ZNF667: variants seen among roughly 807,000 people sequenced by gnomAD.
ZNF667 encodes myocardial ischemic preconditioning upregulated 1 ortholog.
In ZNF667, 13 loss-of-function variants were observed where a neutral mutation model predicts 31.8. The ratio of observed to expected loss-of-function variants is 0.41; its 90% CI spans 0.27 to 0.65. The LOEUF (loss-of-function observed/expected upper bound fraction) is 0.65. Ranked by LOEUF, ZNF667 falls within the 30% of genes least tolerant of loss-of-function variation. The pLI is 0.32. For synonymous variants in ZNF667, 228 were observed against 247.1 expected, an observed-to-expected ratio of 0.92 and a Z score of 0.73; for missense variants, 642 against 725.6, an observed-to-expected ratio of 0.88 and a Z score of 1.32.
At position 56,458,160 on chromosome 19, in the gene ZNF667, G is replaced by C; in HGVS notation, c.248C>G (p.Ala83Gly). The change falls in exon 6 of 7, where the codon GCT becomes GGT. Residue 83 changes from alanine (A) to glycine (G), a missense_variant. By Grantham distance (60) the Ala-to-Gly change is moderately conservative. Transcript: ENST00000504904. ...WMVEPVRRRR[A>G]PDSGSKCETK... ...CTTGGTTCTCTGTCACTCACCAGGAGCCCGGCGTCTTCTTACTGGCTCTAC... is the reference window on the plus strand; with the variant it reads ...CTTGGTTCTCTGTCACTCACCAGGACCCCGGCGTCTTCTTACTGGCTCTAC... 1 of 1,614,120 alleles carries C rather than the reference G, an allele frequency of 6.2e-7. No individual in the cohort carries two copies. The highest frequency in any genetic ancestry group is 8.5e-7 in the Non-Finnish European group (1 of 1,179,950).
Position 56,442,440 on chromosome 19 carries a change from T to A in ZNF667, c.555A>T (p.Ser185=), listed in dbSNP as rs1428430118. 2 of 1,614,036 alleles carry A rather than the reference T, an allele frequency of 1.2e-6. No homozygotes were observed. The highest frequency in any genetic ancestry group is 8.5e-7 in the Non-Finnish European group (1 of 1,179,900). ...GAATTCTCTGATGAAGTAGGATGGA[T>A]GAGATCTGTCTGAAAGCTTTTCTAC... ...SNCRKAFRQI[S]SILLHQRIHS... is the part of the protein sequence containing the mutation. The change falls in exon 7 of 7, where the codon TCA becomes TCT. Residue 185 remains serine, a synonymous_variant. Coordinates refer to ENST00000504904, the MANE Select transcript of ZNF667 (RefSeq NM_001321356.2).
At chr19:56,460,392 G>C (rs531242794) in intron 5 of ZNF667, among the ~76,000 whole-genome samples, 1 of 152,290 alleles carries the variant, frequency 6.6e-6, no homozygotes, top group East Asian at 1.9e-4. Flanking sequence ...TGCTGAACCT[G>C]GGGGGATGAG....
upstream of ZNF667, chr19:56,477,459 C>G (rs996479722): frequency 2.6e-4 from 40 of 152,426 alleles, 1 homozygote; most frequent in African/African-American, 8.7e-4. Context: ...ACCCGCCTCT[C>G]GGGGACAGTA....
Position 56,439,807 on chromosome 19 carries a change from A to G in ZNF667, c.*1355T>C, listed in dbSNP as rs2147640233. ...GTAGCTGGGACTACAGGCACATGCC[A>G]CTGTGCCTGGCTAATTTTTTGTATT... On this transcript the variant is annotated 3_prime_UTR_variant, in exon 7 of 7. Transcript: ENST00000504904. 1 of 152,502 alleles carries G rather than the reference A, an allele frequency of 6.6e-6. No homozygotes were observed. Among genetic ancestry groups the G allele is most frequent in the Non-Finnish European group, 1.5e-5 (1 of 68,224 alleles). The allele number at this position is 152,502 out of a possible 1,614,324, so 9.4% of individuals were successfully genotyped here.
intron 6 of ZNF667, among the ~76,000 whole-genome samples, chr19:56,452,231 G>GT (rs2042845964): frequency 6.6e-6 from 1 of 152,038 alleles, no homozygotes; most frequent in South Asian, 2.1e-4. Flanking sequence ...TGTATTTTTA[G>GT]TAGAGACAGG....
At position 56,441,911 on chromosome 19, in the gene ZNF667, T is replaced by G; in HGVS notation, c.1084A>C (p.Lys362Gln). ...AGCCGCCTGAAGAACTTGTCACATT[T>G]ATCACATTTGTACGGTTTCTCTGAA... ...HTSEKPYKCD[K>Q]CDKFFRRLST... The change falls in exon 7 of 7, where the codon AAA becomes CAA. Residue 362 changes from lysine to glutamine, a missense_variant. Physicochemically the swap from Lys to Gln is moderately conservative, Grantham distance 53. Coordinates refer to ENST00000504904, the MANE Select transcript of ZNF667 (RefSeq NM_001321356.2). This position sits in a 1 kb window ranked among gnomAD's most constrained non-coding sequence, Gnocchi z 4.2. 1 of 1,614,182 alleles carries G rather than the reference T, an allele frequency of 6.2e-7. No homozygotes were observed. Among genetic ancestry groups the G allele is most frequent in the Non-Finnish European group, 8.5e-7 (1 of 1,180,032 alleles).
In ZNF667 at chr19:56,471,954, GT is replaced by G. The variant is rs1779124472; in HGVS notation, c.-316del. The G allele has an allele frequency of 1.3e-5, 2 of 152,152 alleles. No individual in the cohort carries two copies. The highest frequency in any genetic ancestry group is 4.1e-4 in the South Asian group (2 of 4,826). 9.4% of individuals were successfully genotyped at this position (152,152 alleles called of 1,614,324 possible). A position where few individuals can be genotyped will look rare whatever the true frequency, so the allele number is the denominator to read the frequency against. Reference sequence around the variant, plus strand: ...GGGAGATAACTGAATCATGGGGGCGGTTTCCCCCATGCTGTTCTCATGGCAG... The same window carrying G: ...GGGAGATAACTGAATCATGGGGGCGGTTCCCCCATGCTGTTCTCATGGCAG... On this transcript the variant is annotated 5_prime_UTR_variant, in exon 3 of 7. An upstream open reading frame in the 5' UTR gains an earlier in-frame stop. Coordinates refer to ENST00000504904, the MANE Select transcript of ZNF667 (RefSeq NM_001321356.2).
chr19:56,471,784 A>G lies in ZNF667; in HGVS notation c.-145T>C, dbSNP rs1302477965. 1 of 152,194 alleles carries G rather than the reference A, an allele frequency of 6.6e-6. No individual in the cohort carries two copies. Among genetic ancestry groups the G allele is most frequent in the Non-Finnish European group, 1.5e-5 (1 of 68,040 alleles). 9.4% of individuals were successfully genotyped at this position (152,194 alleles called of 1,614,324 possible). A position where few individuals can be genotyped will look rare whatever the true frequency, so the allele number is the denominator to read the frequency against. The stretch of plus-strand genomic sequence containing the variant: ...GGAAGTTGTAATGCATTCATCCCGC[A>G]GTTTTCACAGGTGTGTGCACTCAGC... On this transcript the variant is annotated 5_prime_UTR_variant, in exon 3 of 7. Transcript: ENST00000504904.
intron 3 of ZNF667, among the ~76,000 whole-genome samples, chr19:56,466,255 G>A (rs1382774959): frequency 6.6e-6 from 1 of 152,214 alleles, no homozygotes; most frequent in Non-Finnish European, 1.5e-5. Flanking sequence ...CATGACTACA[G>A]GTTGGGTCCT....
At position 56,442,326 on chromosome 19, in the gene ZNF667, A is replaced by G. The variant is rs768419793; in HGVS notation, c.669T>C (p.Asp223=). The part of the protein sequence containing the change: ...TTLILHMRIH[D]GKEILDCGKA... ...TCCCACAGTCAAGAATTTCCTTTCC[A>G]TCATGAATTCTCATATGTAGAATAA... The change falls in exon 7 of 7, where the codon GAT becomes GAC. Residue 223 remains aspartate (D), a synonymous_variant. Transcript: ENST00000504904. 1.9e-6 allele frequency: 3 copies of G among 1,613,864 alleles called. No homozygotes were observed. Among genetic ancestry groups the G allele is most frequent in the Admixed American group, 3.3e-5 (2 of 59,960 alleles).
At chr19:56,450,539 C>T (rs1219181461) in intron 6 of ZNF667, among the ~76,000 whole-genome samples, 1 of 152,116 alleles carries the variant, frequency 6.6e-6, no homozygotes, top group Non-Finnish European at 1.5e-5. Flanking sequence ...ATACAACACT[C>T]ACTAGCAATA....
chr19:56,472,891 A>G (rs1330314502), intron 2 of ZNF667: 1 of 152,198 alleles, frequency 6.6e-6, no homozygotes, highest in East Asian at 1.9e-4. Flanking sequence ...ACCACATACC[A>G]AGCATCCAAG....
intron 6 of ZNF667, among the ~76,000 whole-genome samples, chr19:56,451,888 A>C (rs1395127434): frequency 3.0e-4 from 31 of 104,340 alleles, no homozygotes; most frequent in East Asian, 1.1e-3. Flanking sequence ...AAAAAAAAAA[A>C]AAAAAAAAAA....
chr19:56,442,827 TAATC>T, intron 6 of ZNF667, 86 bp from the exon 7 acceptor site: 1 of 1,424,220 alleles, frequency 7.0e-7, no homozygotes, highest in Non-Finnish European at 9.2e-7. Flanking sequence ...TTATCATTAT[TAATC>T]ACAACAACAA....
intron 3 of ZNF667, chr19:56,470,035 T>G (rs1160941992): frequency 2.2e-6 from 1 of 457,930 alleles, no homozygotes; most frequent in Non-Finnish European, 4.4e-6. Context: ...CACCGGACAA[T>G]GCATTGACCA....
intron 6 of ZNF667, among the ~76,000 whole-genome samples, chr19:56,453,224 G>A (rs1270897197): frequency 6.6e-6 from 1 of 152,148 alleles, no homozygotes; most frequent in East Asian, 1.9e-4. Context: ...GATTGAAGCT[G>A]TAATAAAGTT....
intron 6 of ZNF667, among the ~76,000 whole-genome samples, chr19:56,450,721 A>G (rs2042804883): frequency 6.6e-6 from 1 of 152,236 alleles, no homozygotes; most frequent in East Asian, 1.9e-4. Context: ...AGCAGAGGAG[A>G]TAAATTTAAA....
intron 3 of ZNF667, among the ~76,000 whole-genome samples, chr19:56,466,020 A>G (rs1030418934): frequency 6.6e-6 from 1 of 152,222 alleles, no homozygotes; most frequent in Non-Finnish European, 1.5e-5. Flanking sequence ...CCAGCTCACA[A>G]TAACAAATGT....
intron 6 of ZNF667, among the ~76,000 whole-genome samples, chr19:56,443,277 T>C (rs1440247726): frequency 6.6e-6 from 1 of 152,232 alleles, no homozygotes; most frequent in Non-Finnish European, 1.5e-5. Context: ...AATAAAGTTG[T>C]AGATTTTAAA....
Sources: gnomAD v4.1 joint callset for allele counts (sites outside exome capture counted in the v4.1 genomes callset) on GRCh38, gnomAD v4.1.1 for gene constraint, Gnocchi (gnomAD v3.1) non-coding constraint, MANE v1.5 for transcripts, NCBI Gene and HGNC (gene_info 2026-07-23, HGNC 2026-07-21) for gene names.